The following TMEM114 variants were observed in gnomAD, a reference collection of about 807,000 sequenced individuals.
The protein encoded by TMEM114 is transmembrane protein 114, also known as claudin-26.
TMEM114 carries 6 observed loss-of-function variants against 6.2 expected under a neutral mutation model. The observed-to-expected ratio is 0.97, with a 90% CI of 0.53 to 1.91. The LOEUF is 1.91. TMEM114 is among the 40% of genes most tolerant of loss of function. TMEM114 has a pLI of 0.01. For missense variants in TMEM114, 218 were observed against 158.3 expected, an observed-to-expected ratio of 1.38 and a Z score of -2.02; for synonymous variants, 104 against 73.0, an observed-to-expected ratio of 1.42 and a Z score of -2.16.
intron 2 of TMEM114, among the ~76,000 whole-genome samples, chr16:8,561,880 A>ATGAT (rs1901223950): frequency 7.2e-6 from 1 of 139,492 alleles, no homozygotes; most frequent in Non-Finnish European, 1.6e-5. Flanking sequence ...GAGTGAGTGA[A>ATGAT]TGAGTGAGTG....
chr16:8,549,990 CT>C (rs1435293351), intron 2 of TMEM114, among the ~76,000 whole-genome samples: 1 of 152,204 alleles, frequency 6.6e-6, no homozygotes, highest in Non-Finnish European at 1.5e-5. Flanking sequence ...AGCCTTCAGT[CT>C]GTAGCCAAAG....
intron 2 of TMEM114, among the ~76,000 whole-genome samples, chr16:8,561,844 G>C (rs1263703095): frequency 6.6e-6 from 1 of 150,418 alleles, no homozygotes; most frequent in Non-Finnish European, 1.5e-5. Flanking sequence ...GAATGAGTGA[G>C]TGAATGAATG....
At chr16:8,548,026 C>T (rs1043522634) in intron 2 of TMEM114, among the ~76,000 whole-genome samples, 2 of 152,114 alleles carry the variant, frequency 1.3e-5, no homozygotes, top group Non-Finnish European at 2.9e-5. Flanking sequence ...AACATTTGGC[C>T]GGACTTTGTT....
chr16:8,535,775 G>C (rs985720948), downstream of TMEM114, among the ~76,000 whole-genome samples: 7 of 152,194 alleles, frequency 4.6e-5, no homozygotes, highest in African/African-American at 1.7e-4. Context: ...TCACTGCGTA[G>C]GGAGCCCTGC....
rs1901171369 is a variant in TMEM114, at chr16:8,560,732, G to A, written n.213-22906C>T. The stretch of plus-strand genomic sequence containing the variant: ...GAGAACATGCTTGGCAAGTTTCCAG[G>A]GGGCCCTCACTATGTCTGGGATCCC... On this transcript the variant is annotated intron_variant and non_coding_transcript_variant, in intron 2 of 2. Coordinates refer to the TMEM114 transcript ENST00000623677. Among the ~76,000 whole-genome samples, 3 of 152,098 alleles carry A rather than the reference G, an allele frequency of 2.0e-5. No individual in the cohort carries two copies. In the South Asian group the frequency reaches 6.2e-4, roughly 32 times the overall value.
chr16:8,560,151 C>T (rs376999214), intron 2 of TMEM114, among the ~76,000 whole-genome samples: 2 of 151,556 alleles, frequency 1.3e-5, no homozygotes, highest in Non-Finnish European at 2.9e-5. Context: ...CACCACCATA[C>T]CCGGCTATTT....
rs1902444095 is a variant in TMEM114, at chr16:8,590,365, A to G, written c.-527T>C. 6.6e-6 allele frequency among the ~76,000 whole-genome samples: 1 copy of G among 151,676 alleles called. No individual in the cohort carries two copies. Among genetic ancestry groups the G allele is most frequent in the Non-Finnish European group, 1.5e-5 (1 of 67,892 alleles). The stretch of plus-strand genomic sequence containing the variant: ...CTCCCCTCTCTGCCTCTGTCTCTGG[A>G]TTTCCGCCCCAGCCCTTTTTCTTGG... On this transcript the variant is annotated 5_prime_UTR_variant, in exon 1 of 4. Coordinates refer to ENST00000620492, the MANE Select transcript of TMEM114 (RefSeq NM_001146336.2).
At chr16:8,556,227 C>T (rs530885669) in intron 2 of TMEM114, among the ~76,000 whole-genome samples, 1 of 152,286 alleles carries the variant, frequency 6.6e-6, no homozygotes, top group Non-Finnish European at 1.5e-5. Flanking sequence ...AGTATCAGCC[C>T]CTCTGCCGGC....
chr16:8,550,912 T>C (rs1900823083), intron 2 of TMEM114, among the ~76,000 whole-genome samples: 1 of 152,178 alleles, frequency 6.6e-6, no homozygotes, highest in African/African-American at 2.4e-5. Context: ...AGTAGAAGAC[T>C]GAGCAAAACA....
downstream of TMEM114, among the ~76,000 whole-genome samples, chr16:8,533,907 C>G (rs1031352096): frequency 6.6e-6 from 1 of 152,170 alleles, no homozygotes; most frequent in Non-Finnish European, 1.5e-5. Context: ...AGGATGCAAT[C>G]AGGCATTTCA....
At chr16:8,565,721 G>C (rs150356231), downstream of TMEM114, among the ~76,000 whole-genome samples, 523 of 152,266 alleles carry the variant, frequency 3.4e-3, 2 homozygotes, top group African/African-American at 0.012. Context: ...ACAGACCTAA[G>C]GGTCTTAGAG....
Position 8,564,069 on chromosome 16 carries a change from GTGAGTGCATGAATGAGTGAGTGAGTGAA to G in TMEM114, n.212+25116_212+25143del, listed in dbSNP as rs1441653372. Among the ~76,000 whole-genome samples the G allele has an allele frequency of 9.4e-5, 14 of 148,636 alleles. No homozygotes were observed. The East Asian group carries it at 1.7e-3, about 18-fold the overall frequency. On this transcript the variant is annotated intron_variant and non_coding_transcript_variant, in intron 2 of 2. Transcript: ENST00000623677. ...AGTGAGTGAATGAGTAAATGAGTGA[GTGAGTGCATGAATGAGTGAGTGAGTGAA>G]TGAGTGAGGAAATAAGTAAGTGAAT... is the stretch of plus-strand genomic sequence containing the variant.
downstream of TMEM114, among the ~76,000 whole-genome samples, chr16:8,569,028 G>A (rs1041428237): frequency 6.6e-6 from 1 of 152,206 alleles, no homozygotes; most frequent in African/African-American, 2.4e-5. Context: ...AGGCCTCCTG[G>A]CTCAGACACC....
chr16:8,528,235 A>G, the TMEM114 span, among the ~76,000 whole-genome samples: 8 of 128,606 alleles, frequency 6.2e-5, no homozygotes, highest in African/African-American at 2.1e-4. Context: ...GAATTTGTTC[A>G]CCCAAAATGC....
intron 2 of TMEM114, among the ~76,000 whole-genome samples, chr16:8,547,397 T>TTTC (rs1491202170): frequency 8.9e-6 from 1 of 112,736 alleles, no homozygotes; most frequent in African/African-American, 3.5e-5. Flanking sequence ...TCTTTCTTTC[T>TTTC]TTTTTTTTTT....
chr16:8,555,658 G>A (rs1025328928), intron 2 of TMEM114, among the ~76,000 whole-genome samples: 2 of 152,254 alleles, frequency 1.3e-5, no homozygotes, highest in East Asian at 1.9e-4. Context: ...TTTTCACGTC[G>A]ATGACTCCCC....
chr16:8,557,530 G>C (rs1436312373), intron 2 of TMEM114, among the ~76,000 whole-genome samples: 1 of 152,188 alleles, frequency 6.6e-6, no homozygotes, highest in Non-Finnish European at 1.5e-5. Context: ...AACTCTCAGA[G>C]ACCACAAGCA....
chr16:8,568,075 G>T (rs916797554), downstream of TMEM114, among the ~76,000 whole-genome samples: 1 of 152,160 alleles, frequency 6.6e-6, no homozygotes, highest in African/African-American at 2.4e-5. Flanking sequence ...AGGCAGTTCT[G>T]AAGTTTACTC....
chr16:8,564,966 TGAGG>T (rs138405595), downstream of TMEM114, among the ~76,000 whole-genome samples: 3 of 110,822 alleles, frequency 2.7e-5, no homozygotes, highest in Non-Finnish European at 3.9e-5. Flanking sequence ...AATGAGTGAG[TGAGG>T]GAGTGAAAGA....
Sources: allele counts gnomAD v4.1 joint callset (sites outside exome capture counted in the v4.1 genomes callset), GRCh38; gene constraint gnomAD v4.1.1; transcripts MANE v1.5; gene names NCBI Gene and HGNC (gene_info 2026-07-23, HGNC 2026-07-21).